Variants in HS3ST3A1 observed in about 807,000 individuals in gnomAD.
HS3ST3A1 encodes the protein heparan sulfate-glucosamine 3-sulfotransferase 3A1.
HS3ST3A1 carries 19 observed loss-of-function variants against 25.7 expected under a neutral mutation model. The observed-to-expected ratio is 0.74, with a 90% CI of 0.52 to 1.08. The LOEUF (loss-of-function observed/expected upper bound fraction) is 1.08, where lower values mean the gene tolerates loss of function less well. Among genes scored for constraint, HS3ST3A1 ranks in the 50% least tolerant of loss-of-function variants. The pLI is 0.00. For synonymous variants in HS3ST3A1, 226 were observed against 278.6 expected, an observed-to-expected ratio of 0.81 and a Z score of 1.88; for missense variants, 459 against 594.3, an observed-to-expected ratio of 0.77 and a Z score of 2.37.
In HS3ST3A1 at chr17:13,514,437, A is replaced by G. The variant is rs138725817; in HGVS notation, c.600-17619T>C. Reference sequence around the variant, plus strand: ...GGTTAAAGTCAAATTTGAAATATATATATTTTAAAATTATGAACAAGTACC... The same window carrying G: ...GGTTAAAGTCAAATTTGAAATATATGTATTTTAAAATTATGAACAAGTACC... On this transcript the variant is annotated intron_variant, in intron 1 of 1. Transcript: ENST00000284110. Among the ~76,000 whole-genome samples the G allele has an allele frequency of 3.1e-4, 47 of 152,330 alleles. No individual in the cohort carries two copies. The East Asian group carries it at 7.3e-3, about 24-fold the overall frequency.
chr17:13,588,791 C>G (rs1908345963), intron 1 of HS3ST3A1, among the ~76,000 whole-genome samples: 1 of 151,842 alleles, frequency 6.6e-6, no homozygotes, highest in Non-Finnish European at 1.5e-5. Context: ...TCACGGCATT[C>G]TCCTGCCTCA....
chr17:13,596,995 G>A (rs1198157331), intron 1 of HS3ST3A1, among the ~76,000 whole-genome samples: 1 of 152,140 alleles, frequency 6.6e-6, no homozygotes, highest in Non-Finnish European at 1.5e-5. Context: ...CTCCTAAACT[G>A]TGAGCTGGAC....
chr17:13,568,138 A>C (rs1242337527), intron 1 of HS3ST3A1, among the ~76,000 whole-genome samples: 1 of 152,176 alleles, frequency 6.6e-6, no homozygotes, highest in Non-Finnish European at 1.5e-5. Context: ...ATCGACACTG[A>C]GGCAACACTC....
intron 1 of HS3ST3A1, among the ~76,000 whole-genome samples, chr17:13,573,675 T>C (rs1248360353): frequency 6.6e-6 from 1 of 152,178 alleles, no homozygotes; most frequent in Non-Finnish European, 1.5e-5. Flanking sequence ...CTGAGCTCAA[T>C]GTTGAGTGTG....
chr17:13,591,900 T>C (rs1964721969), intron 1 of HS3ST3A1, among the ~76,000 whole-genome samples: 1 of 152,150 alleles, frequency 6.6e-6, no homozygotes, highest in Non-Finnish European at 1.5e-5. Flanking sequence ...CCTCAAGTGA[T>C]CTGCCTGCCT....
At chr17:13,568,609 T>G (rs1907730781) in intron 1 of HS3ST3A1, among the ~76,000 whole-genome samples, 2 of 152,222 alleles carry the variant, frequency 1.3e-5, no homozygotes, top group South Asian at 4.1e-4. Flanking sequence ...AGCATGTAAG[T>G]ATCTTTCAGA....
intron 1 of HS3ST3A1, among the ~76,000 whole-genome samples, chr17:13,589,098 C>G (rs1908354730): frequency 6.6e-6 from 1 of 152,186 alleles, no homozygotes; most frequent in Non-Finnish European, 1.5e-5. Context: ...CAGCCATTCA[C>G]TTCAGTTGAG....
chr17:13,575,393 G>C (rs895019132), intron 1 of HS3ST3A1, among the ~76,000 whole-genome samples: 1 of 152,152 alleles, frequency 6.6e-6, no homozygotes, highest in Non-Finnish European at 1.5e-5. Context: ...AAACACACTG[G>C]TAAGATAAAG....
At chr17:13,500,544 T>A (rs1166865556) in intron 1 of HS3ST3A1, among the ~76,000 whole-genome samples, 1 of 152,134 alleles carries the variant, frequency 6.6e-6, no homozygotes, top group African/African-American at 2.4e-5. Context: ...TGAAGAAGTA[T>A]GGGAGAAATT....
intron 1 of HS3ST3A1, among the ~76,000 whole-genome samples, chr17:13,497,527 C>T (rs149622285): frequency 5.3e-5 from 8 of 152,240 alleles, no homozygotes; most frequent in African/African-American, 1.7e-4. Context: ...GATTCTGGTC[C>T]GTTTATTCCT....
chr17:13,509,045 C>A (rs142754111), intron 1 of HS3ST3A1, among the ~76,000 whole-genome samples: 21 of 151,424 alleles, frequency 1.4e-4, no homozygotes, highest in African/African-American at 4.9e-4. Flanking sequence ...TTTGAAAATA[C>A]TAGCAAGTTT....
At chr17:13,526,473 T>TC (rs1177282194) in intron 1 of HS3ST3A1, among the ~76,000 whole-genome samples, 1 of 76,924 alleles carries the variant, frequency 1.3e-5, no homozygotes, top group South Asian at 4.6e-4. Context: ...AACTTTAATT[T>TC]TTATATATAT....
chr17:13,600,573 TG>T lies in HS3ST3A1; in HGVS notation c.556del (p.His186ThrfsTer17). The T allele has an allele frequency of 1.9e-6, 3 of 1,601,958 alleles. No individual in the cohort carries two copies. On this transcript the variant is annotated frameshift_variant, in exon 1 of 2. Coordinates refer to ENST00000284110, the MANE Select transcript of HS3ST3A1 (RefSeq NM_006042.3). LOFTEE classifies it high-confidence loss of function. ...PDVRAVGAEP[H>X]FFDRSYDKGL... ...CTTGTCGTAGCTGCGGTCGAAGAAGTGGGGCTCGGCGCCCACGGCGCGCACG... is the reference window on the plus strand; with the variant it reads ...CTTGTCGTAGCTGCGGTCGAAGAAGTGGGCTCGGCGCCCACGGCGCGCACG...
At chr17:13,508,089 G>A (rs1447767393) in intron 1 of HS3ST3A1, among the ~76,000 whole-genome samples, 1 of 152,168 alleles carries the variant, frequency 6.6e-6, no homozygotes. Context: ...ATCTGGATAT[G>A]CAATTCTAAG....
At chr17:13,541,640 G>T (rs1043110190) in intron 1 of HS3ST3A1, among the ~76,000 whole-genome samples, 1 of 152,168 alleles carries the variant, frequency 6.6e-6, no homozygotes, top group African/African-American at 2.4e-5. Context: ...GCTCCTTAAG[G>T]AGTCTCTTTC....
chr17:13,539,031 C>T (rs574623055), intron 1 of HS3ST3A1, among the ~76,000 whole-genome samples: 133 of 152,292 alleles, frequency 8.7e-4, no homozygotes, highest in African/African-American at 3.1e-3. Context: ...GAGAGGTCAG[C>T]TGGGGCTAGA....
chr17:13,539,087 G>A (rs923830707), intron 1 of HS3ST3A1, among the ~76,000 whole-genome samples: 3 of 152,152 alleles, frequency 2.0e-5, no homozygotes, highest in African/African-American at 7.2e-5. Flanking sequence ...CCTCAGCTGT[G>A]GTGGCTGAAG....
intron 1 of HS3ST3A1, among the ~76,000 whole-genome samples, chr17:13,505,059 G>A (rs1293259911): frequency 2.0e-5 from 3 of 152,200 alleles, no homozygotes; most frequent in Non-Finnish European, 2.9e-5. Flanking sequence ...TAATTTTTCT[G>A]ACAAGGAAGC....
chr17:13,535,624 T>C (rs976597646), intron 1 of HS3ST3A1, among the ~76,000 whole-genome samples: 1 of 151,908 alleles, frequency 6.6e-6, no homozygotes, highest in African/African-American at 2.4e-5. Flanking sequence ...AATCTGTGAA[T>C]AGTGAGGATC....
Sources: gnomAD v4.1 joint callset for allele counts (sites outside exome capture counted in the v4.1 genomes callset) on GRCh38, gnomAD v4.1.1 for gene constraint, MANE v1.5 for transcripts, NCBI Gene and HGNC (gene_info 2026-07-23, HGNC 2026-07-21) for gene names.